The following ADAM18 variants were observed in gnomAD, a reference collection of about 807,000 sequenced individuals.
ADAM18 encodes the protein ADAM metallopeptidase domain 18.
Under a neutral mutation model 94.4 loss-of-function variants are expected in ADAM18, and 117 were observed. The ratio of observed to expected loss-of-function variants is 1.24; its 90% CI spans 1.07 to 1.45. The LOEUF is 1.45. Among genes scored for constraint, ADAM18 ranks in the 40% most tolerant of loss-of-function variants. ADAM18 has a pLI of 0.00. For missense variants in ADAM18, 936 were observed against 880.0 expected, an observed-to-expected ratio of 1.06 and a Z score of -0.81; for synonymous variants, 327 against 291.6, an observed-to-expected ratio of 1.12 and a Z score of -1.24.
intron 2 of ADAM18, among the ~76,000 whole-genome samples, chr8:39,593,810 A>G (rs901687269): frequency 6.6e-6 from 1 of 152,172 alleles, no homozygotes; most frequent in Admixed American, 6.5e-5. Flanking sequence ...GCATTATTTG[A>G]TACTAATATA....
intron 12 of ADAM18, among the ~76,000 whole-genome samples, chr8:39,659,371 TA>T (rs922944164): frequency 3.4e-4 from 50 of 147,996 alleles, no homozygotes; most frequent in Non-Finnish European, 5.8e-4. Context: ...ATGAATAATT[TA>T]AAAAAAAAAC....
At chr8:39,718,369 C>T (rs1394500224) in intron 18 of ADAM18, among the ~76,000 whole-genome samples, 3 of 151,542 alleles carry the variant, frequency 2.0e-5, no homozygotes, top group African/African-American at 7.3e-5. Context: ...TAATGAAGGA[C>T]TACTCAGCCT....
intron 10 of ADAM18, among the ~76,000 whole-genome samples, chr8:39,640,536 A>G (rs901618492): frequency 1.3e-5 from 2 of 152,102 alleles, no homozygotes. Context: ...TCCTTTGGGT[A>G]TATAGTTAGT....
Position 39,700,324 on chromosome 8 carries a change from T to TAAA in ADAM18, c.1903-6466_1903-6465insAAA, listed in dbSNP as rs1360744868. Among the ~76,000 whole-genome samples the TAAA allele has an allele frequency of 4.6e-5, 7 of 152,352 alleles. No individual in the cohort carries two copies. In the East Asian group the frequency reaches 9.6e-4, roughly 21 times the overall value. ...ATTTCATTTTATAATTGCTTACTTA[T>TAAA]GTAAGCAGTTTTCTCATTCAGAATT... On this transcript the variant is annotated intron_variant, in intron 17 of 19. Transcript: ENST00000265707.
chr8:39,638,992 A>G (rs1373407261), intron 10 of ADAM18, among the ~76,000 whole-genome samples: 2 of 151,938 alleles, frequency 1.3e-5, no homozygotes, highest in African/African-American at 2.4e-5. Flanking sequence ...AAATTTGTAT[A>G]TTGATAAAAC....
intron 12 of ADAM18, among the ~76,000 whole-genome samples, chr8:39,663,570 G>A (rs1434547063): frequency 8.4e-6 from 1 of 119,230 alleles, no homozygotes; most frequent in East Asian, 2.5e-4. Context: ...CTGCATTCCA[G>A]CCTGGGTGAC....
intron 17 of ADAM18, among the ~76,000 whole-genome samples, chr8:39,701,653 A>G (rs1822083061): frequency 6.6e-6 from 1 of 152,038 alleles, no homozygotes; most frequent in Non-Finnish European, 1.5e-5. Flanking sequence ...CTCTGCACTC[A>G]GGTGGGCCCC....
chr8:39,620,928 G>T (rs1268624584), intron 6 of ADAM18, among the ~76,000 whole-genome samples: 1 of 151,700 alleles, frequency 6.6e-6, no homozygotes, highest in Non-Finnish European at 1.5e-5. Flanking sequence ...ACATTATTTG[G>T]GTGATGGATA....
At chr8:39,698,037 T>C (rs1821973357) in intron 17 of ADAM18, among the ~76,000 whole-genome samples, 1 of 151,878 alleles carries the variant, frequency 6.6e-6, no homozygotes, top group Non-Finnish European at 1.5e-5. Flanking sequence ...ATATTCTCTA[T>C]TTAATCCTTT....
chr8:39,706,297 C>T (rs1430089110), intron 17 of ADAM18, among the ~76,000 whole-genome samples: 2 of 151,898 alleles, frequency 1.3e-5, no homozygotes, highest in African/African-American at 4.8e-5. Context: ...AAATAAAATG[C>T]ACATTATTGA....
At chr8:39,645,513 T>C in intron 11 of ADAM18, 39 bp downstream of exon 11, 1 of 1,558,994 alleles carries the variant, frequency 6.4e-7, no homozygotes, top group Non-Finnish European at 8.7e-7. Flanking sequence ...TATATTTTTA[T>C]AAGGTTGTTT....
intron 19 of ADAM18, among the ~76,000 whole-genome samples, chr8:39,726,222 T>G (rs568719796): frequency 6.7e-6 from 1 of 149,802 alleles, no homozygotes; most frequent in Non-Finnish European, 1.5e-5. Context: ...TTAAATCAGG[T>G]TATTTGCTTT....
chr8:39,680,791 T>A (rs139007610), intron 16 of ADAM18, among the ~76,000 whole-genome samples: 1 of 152,344 alleles, frequency 6.6e-6, no homozygotes, highest in East Asian at 1.9e-4. Flanking sequence ...AGGGCACATG[T>A]TCCAGAAAAC....
chr8:39,702,496 C>G (rs1475300265), intron 17 of ADAM18, among the ~76,000 whole-genome samples: 1 of 151,976 alleles, frequency 6.6e-6, no homozygotes, highest in African/African-American at 2.4e-5. Flanking sequence ...GATAATATCC[C>G]ATTTGTCAAT....
intron 17 of ADAM18, among the ~76,000 whole-genome samples, chr8:39,701,397 C>T (rs1822075146): frequency 2.0e-5 from 3 of 151,592 alleles, no homozygotes; most frequent in South Asian, 2.1e-4. Context: ...GCTTGTTGTT[C>T]CTGACATTAT....
intron 2 of ADAM18, among the ~76,000 whole-genome samples, chr8:39,596,049 G>A (rs747311771): frequency 3.9e-5 from 6 of 152,192 alleles, no homozygotes; most frequent in Middle Eastern, 3.4e-3. Flanking sequence ...TGTGTGTGGT[G>A]TTTTTTTAGA....
intron 6 of ADAM18, among the ~76,000 whole-genome samples, chr8:39,616,311 G>C (rs1419592813): frequency 6.6e-6 from 1 of 152,148 alleles, no homozygotes; most frequent in African/African-American, 2.4e-5. Flanking sequence ...TGGAAAGGCT[G>C]AGGCAGGAGA....
chr8:39,606,711 C>G (rs575489490), intron 3 of ADAM18, among the ~76,000 whole-genome samples: 1 of 152,178 alleles, frequency 6.6e-6, no homozygotes, highest in South Asian at 2.1e-4. Flanking sequence ...GAAGAGACCA[C>G]CAAACAGGCT....
In ADAM18 at chr8:39,606,306, G is replaced by A. The variant is rs549535959; in HGVS notation, c.133-1G>A. 2.0e-6 allele frequency: 3 copies of A among 1,514,806 alleles called. No homozygotes were observed. In the African/African-American group the frequency reaches 4.2e-5, roughly 21 times the overall value. 93.8% of individuals were successfully genotyped at this position (1,514,806 alleles called of 1,614,324 possible). A position where few individuals can be genotyped will look rare whatever the true frequency, so the allele number is the denominator to read the frequency against. On this transcript the variant is annotated splice_acceptor_variant, in intron 2 of 19. Coordinates refer to ENST00000265707, the MANE Select transcript of ADAM18 (RefSeq NM_014237.3). LOFTEE classifies it high-confidence loss of function. Reference sequence around the variant, plus strand: ...ATCTTTACTGATGTGTTTTATTTTAGATGATTTACATCATTACAATTGATG... The same window carrying A: ...ATCTTTACTGATGTGTTTTATTTTAAATGATTTACATCATTACAATTGATG...
Sources: gnomAD v4.1 joint callset for allele counts (sites outside exome capture counted in the v4.1 genomes callset) on GRCh38, gnomAD v4.1.1 for gene constraint, MANE v1.5 for transcripts, NCBI Gene and HGNC (gene_info 2026-07-23, HGNC 2026-07-21) for gene names.